B4GALNT3: variants seen among roughly 807,000 people sequenced by gnomAD.
B4GALNT3 encodes beta-1,4-N-acetylgalactosaminyltransferase 3.
Under a neutral mutation model 120.2 loss-of-function variants are expected in B4GALNT3, and 86 were observed. That is an observed-to-expected ratio of 0.72 (90% CI 0.60 to 0.86). The LOEUF (loss-of-function observed/expected upper bound fraction) is 0.86, where lower values mean the gene tolerates loss of function less well. Among genes scored for constraint, B4GALNT3 ranks in the 40% least tolerant of loss-of-function variants. The pLI is 0.00. For missense variants in B4GALNT3, 1,167 were observed against 1,298.9 expected (o/e 0.90, Z 1.56); for synonymous variants, 518 against 510.4 (o/e 1.01, Z -0.20).
In B4GALNT3 at chr12:546,708, G is replaced by A. The variant is rs1010770263; in HGVS notation, c.702G>A (p.Pro234=). The A allele has an allele frequency of 1.9e-6, 3 of 1,551,426 alleles. No individual in the cohort carries two copies. The highest frequency in any genetic ancestry group is 2.6e-6 in the Non-Finnish European group (3 of 1,146,836). The change falls in exon 7 of 20, where the codon CCG becomes CCA. Residue 234 remains proline (P), a synonymous_variant. Transcript: ENST00000266383. ...AATTTCGGAGCCAAATTTCCAAGCC[G>A]GTGAGGTGAGTGAGGGTCAGGACAG... is the stretch of plus-strand genomic sequence containing the variant. ...FGKFRSQISK[P]VSLSASHRYY...
At chr12:545,180 C>T (rs1368336847) in intron 5 of B4GALNT3, 189 bp from the exon 6 acceptor site, 36 of 1,444,226 alleles carry the variant, frequency 2.5e-5, no homozygotes, top group Non-Finnish European at 3.2e-5. Flanking sequence ...GGAACCAGCT[C>T]ATCTCTCCAT....
intron 1 of B4GALNT3, among the ~76,000 whole-genome samples, chr12:516,577 T>C (rs1329834797): frequency 6.6e-6 from 1 of 152,180 alleles, no homozygotes; most frequent in Non-Finnish European, 1.5e-5. Context: ...ATTGTTTAAA[T>C]TGGAATATTT....
chr12:480,431 G>A (rs934320474), intron 1 of B4GALNT3, among the ~76,000 whole-genome samples: 1 of 148,016 alleles, frequency 6.8e-6, no homozygotes, highest in African/African-American at 2.6e-5. Flanking sequence ...AGGCTTGACG[G>A]TGTGGTTCCT....
chr12:543,001 C>A, intron 3 of B4GALNT3: 1 of 744,006 alleles, frequency 1.3e-6, no homozygotes, highest in Non-Finnish European at 2.0e-6. Context: ...GGGAGGAGAG[C>A]AAGTCTTTCC....
At chr12:490,207 G>C (rs1592019695) in intron 1 of B4GALNT3, among the ~76,000 whole-genome samples, 1 of 151,918 alleles carries the variant, frequency 6.6e-6, no homozygotes. Context: ...GGAAAAAAGA[G>C]CAAATTAAAT....
chr12:473,144 C>A (rs1223081207), intron 1 of B4GALNT3, among the ~76,000 whole-genome samples: 1 of 152,024 alleles, frequency 6.6e-6, no homozygotes, highest in African/African-American at 2.4e-5. Context: ...AATTTTTAAA[C>A]TTTTTGTAAA....
chr12:514,445 C>T (rs1012079920), intron 1 of B4GALNT3, among the ~76,000 whole-genome samples: 1 of 151,932 alleles, frequency 6.6e-6, no homozygotes, highest in Non-Finnish European at 1.5e-5. Flanking sequence ...GATCTGCCCG[C>T]CTCGGCCTCC....
At chr12:463,758 C>A (rs1293508002) in intron 1 of B4GALNT3, among the ~76,000 whole-genome samples, 1 of 152,102 alleles carries the variant, frequency 6.6e-6, no homozygotes, top group East Asian at 1.9e-4. Context: ...AAAGGCTATT[C>A]GAGACAGAAA....
chr12:550,621 G>C lies in B4GALNT3; in HGVS notation c.998-301G>C, dbSNP rs151005101. Among the ~76,000 whole-genome samples the C allele has an allele frequency of 2.0e-5, 3 of 152,194 alleles. No homozygotes were observed. The East Asian group carries it at 5.8e-4, about 29-fold the overall frequency. On this transcript the variant is annotated intron_variant, in intron 10 of 19. Coordinates refer to ENST00000266383, the MANE Select transcript of B4GALNT3 (RefSeq NM_173593.4). This position sits in a 1 kb window ranked among gnomAD's most constrained non-coding sequence, Gnocchi z 4.1. ...GTTATCGGTACTGTACGAGGGAGGG[G>C]ACCTTCTGGCCTCTTAGAAGTTTCT...
chr12:558,046 T>G lies in B4GALNT3; in HGVS notation c.2565T>G (p.Phe855Leu). 1.9e-6 allele frequency: 3 copies of G among 1,613,938 alleles called. No individual in the cohort carries two copies. The highest frequency in any genetic ancestry group is 1.7e-6 in the Non-Finnish European group (2 of 1,180,034). The change falls in exon 17 of 20, where the codon TTT (phenylalanine) becomes TTG (leucine). Residue 855 changes from phenylalanine to leucine, a missense_variant. Around this residue, in one of 3 missense-constraint regions of B4GALNT3, gnomAD observed 983 missense variants for 1,102.5 expected, o/e 0.89. Transcript: ENST00000266383. ...SYQYVKLSGN[F>L]ERSAGLQAGI... Reference sequence around the variant, plus strand: ...AGTACGTGAAGCTAAGTGGAAACTTTGAACGCTCAGCTGGACTTCAGGCTG... The same window carrying G: ...AGTACGTGAAGCTAAGTGGAAACTTGGAACGCTCAGCTGGACTTCAGGCTG...
rs200715480 is a variant in B4GALNT3, at chr12:552,427, A to T, written c.1209-40A>T. On this transcript the variant is annotated intron_variant, in intron 12 of 19. Transcript: ENST00000266383. ...CAGCAGAGCCAGGGCTGAGCCCGCC[A>T]TGCACCGGGTGCCAATGCACACCTC... 2.0e-4 allele frequency: 324 copies of T among 1,590,494 alleles called. 2 individuals are homozygous for T. The highest frequency in any genetic ancestry group is 3.3e-5 in the Admixed American group (2 of 59,894).
chr12:558,725 GC>G, intron 18 of B4GALNT3, 64 bp downstream of exon 18: 1 of 1,547,144 alleles, frequency 6.5e-7, no homozygotes, highest in Non-Finnish European at 8.8e-7. Context: ...TAACTCCAGA[GC>G]TGGGAACAGT....
At chr12:497,006 T>G (rs1322630585) in intron 1 of B4GALNT3, among the ~76,000 whole-genome samples, 1 of 152,020 alleles carries the variant, frequency 6.6e-6, no homozygotes, top group Non-Finnish European at 1.5e-5. Context: ...TCCTTCACTT[T>G]CAATTTTTTG....
rs75413993 is a variant in B4GALNT3, at chr12:499,201, C to A, written c.170-35965C>A. On this transcript the variant is annotated intron_variant, in intron 1 of 19. Transcript: ENST00000266383. ...TGGAAATTGCCTACCTGGCTGTGGT[C>A]ACTCTTACCTTTGTGTATTTAATTT... Among the ~76,000 whole-genome samples, 307 of 152,364 alleles carry A rather than the reference C, an allele frequency of 2.0e-3. 1 individual carries two copies. The highest frequency in any genetic ancestry group is 6.7e-3 in the African/African-American group (280 of 41,576).
intron 1 of B4GALNT3, among the ~76,000 whole-genome samples, chr12:523,502 C>T (rs915334414): frequency 4.6e-5 from 7 of 152,158 alleles, no homozygotes; most frequent in Admixed American, 6.6e-5. Flanking sequence ...TAGGCTCAGC[C>T]AGCGTCCTCC....
chr12:558,150 A>G (rs1368214504), intron 17 of B4GALNT3, 62 bp downstream of exon 17: 6 of 1,566,252 alleles, frequency 3.8e-6, no homozygotes, highest in Non-Finnish European at 5.3e-6. Context: ...GTAGAGAGAC[A>G]TTTGGGGTAA....
intron 1 of B4GALNT3, among the ~76,000 whole-genome samples, chr12:500,216 G>A (rs1056624885): frequency 1.3e-5 from 2 of 151,882 alleles, no homozygotes; most frequent in Non-Finnish European, 2.9e-5. Context: ...CAATCATACC[G>A]CACTGCAGCC....
At position 558,539 on chromosome 12, in the gene B4GALNT3, T is replaced by C; in HGVS notation, c.2639T>C (p.Leu880Pro). Residue 880 changes from leucine to proline, a missense_variant, in exon 18 of 20, where the codon CTC becomes CCC. Coordinates refer to ENST00000266383, the MANE Select transcript of B4GALNT3 (RefSeq NM_173593.4). ...DPHSIIFLCD[L>P]HIHFPAGVID... ...CACAGCATCATCTTCCTCTGTGACC[T>C]CCACATCCACTTCCCAGCTGGAGTC... The C allele has an allele frequency of 6.2e-7, 1 of 1,614,144 alleles. No homozygotes were observed. Among genetic ancestry groups the C allele is most frequent in the Non-Finnish European group, 8.5e-7 (1 of 1,180,002 alleles).
At chr12:551,609 A>G (rs1947083924) in intron 11 of B4GALNT3, among the ~76,000 whole-genome samples, 1 of 152,204 alleles carries the variant, frequency 6.6e-6, no homozygotes, top group Non-Finnish European at 1.5e-5. Context: ...GTAATTGAGA[A>G]GTTCTTTGGT....
Sources: gnomAD v4.1 joint callset for allele counts (sites outside exome capture counted in the v4.1 genomes callset) on GRCh38, gnomAD v4.1.1 for gene constraint, gnomAD v4.1.1 regional missense constraint, Gnocchi (gnomAD v3.1) non-coding constraint, MANE v1.5 for transcripts, NCBI Gene and HGNC (gene_info 2026-07-23, HGNC 2026-07-21) for gene names.